Variants in MID1 observed in about 807,000 individuals in gnomAD.
MID1 encodes midline 1.
A neutral mutation model predicts 40.4 loss-of-function variants in MID1; 7 were observed. The observed-to-expected ratio is 0.17, with a 90% CI of 0.10 to 0.33. The LOEUF (loss-of-function observed/expected upper bound fraction) is 0.33, where lower values mean the gene tolerates loss of function less well. Ranked by LOEUF, MID1 falls within the 10% of genes least tolerant of loss-of-function variation. The pLI is 1.00. For missense variants in MID1, 367 were observed against 558.5 expected (o/e 0.66, Z 3.46); for synonymous variants, 229 against 221.2 (o/e 1.04, Z -0.31).
intron 1 of MID1, among the ~76,000 whole-genome samples, chrX:10,737,149 A>T (rs747557283): frequency 1.8e-5 from 2 of 112,372 alleles, no homozygotes; most frequent in Admixed American, 9.4e-5. Flanking sequence ...TTCTCAATCA[A>T]GAAGTTAGAA....
chrX:10,730,567 T>TTC (rs2043438701), intron 1 of MID1, among the ~76,000 whole-genome samples: 1 of 90,350 alleles, frequency 1.1e-5, no homozygotes, highest in Non-Finnish European at 2.1e-5. Flanking sequence ...GATACATCTT[T>TTC]TTTTTTTTTT....
intron 4 of MID1, among the ~76,000 whole-genome samples, chrX:10,492,013 G>A (rs1930978324): frequency 8.9e-6 from 1 of 111,827 alleles, no homozygotes; most frequent in Non-Finnish European, 1.9e-5. Context: ...CACTGCAGCT[G>A]AGTTTTCTTT....
In MID1 at chrX:10,791,719, T is replaced by C. The variant is rs1452330306; in HGVS notation, c.-187+41835A>G. Reference sequence around the variant, plus strand: ...CCAGAAATTTCTGAGTTTAGGAAGGTTTAAGTAATTTACCCACCATCAAGT... The same window carrying C: ...CCAGAAATTTCTGAGTTTAGGAAGGCTTAAGTAATTTACCCACCATCAAGT... On this transcript the variant is annotated intron_variant, in intron 1 of 10. Coordinates refer to the MID1 transcript ENST00000380785. 2.7e-5 allele frequency among the ~76,000 whole-genome samples: 3 copies of C among 110,750 alleles called. No individual in the cohort carries two copies. In the Admixed American group the frequency reaches 2.9e-4, roughly 11 times the overall value.
At chrX:10,502,961 C>G (rs906728911) in intron 3 of MID1, among the ~76,000 whole-genome samples, 1 of 111,860 alleles carries the variant, frequency 8.9e-6, no homozygotes, top group Admixed American at 9.5e-5. Flanking sequence ...CCATCTCACT[C>G]CAAAGGAAAA....
intron 2 of MID1, among the ~76,000 whole-genome samples, chrX:10,537,985 T>G (rs868594437): frequency 1.8e-5 from 2 of 109,874 alleles, no homozygotes; most frequent in African/African-American, 6.5e-5. Context: ...TTATTTATTT[T>G]TATTGAGACA....
intron 1 of MID1, among the ~76,000 whole-genome samples, chrX:10,616,172 C>CT (rs1173508610): frequency 8.9e-6 from 1 of 111,981 alleles, no homozygotes; most frequent in Non-Finnish European, 1.9e-5. Flanking sequence ...AGATCCTGGT[C>CT]TTTCAAAGTC....
intron 1 of MID1, among the ~76,000 whole-genome samples, chrX:10,666,192 G>A (rs2042949826): frequency 9.1e-6 from 1 of 110,124 alleles, no homozygotes; most frequent in South Asian, 3.8e-4. Flanking sequence ...AACAGGGAAA[G>A]CAGAGAGAAG....
intron 3 of MID1, among the ~76,000 whole-genome samples, chrX:10,509,364 T>TCCC (rs1931999450): frequency 8.9e-6 from 1 of 111,920 alleles, no homozygotes; most frequent in Non-Finnish European, 1.9e-5. Flanking sequence ...TTATTATTTA[T>TCCC]AAGTGTTTTC....
At chrX:10,527,404 T>C (rs1316000610) in intron 2 of MID1, among the ~76,000 whole-genome samples, 1 of 111,800 alleles carries the variant, frequency 8.9e-6, no homozygotes, top group Non-Finnish European at 1.9e-5. Flanking sequence ...TAATGATAAA[T>C]CTACCTATCT....
In MID1 at chrX:10,469,784, T is replaced by C. The variant is rs1423462435; in HGVS notation, c.1198A>G (p.Thr400Ala). ...TCATCATCGGAGGTCCAATGCACAG[T>C]GATGGTGTCATATGAAGCTGTGCAG... is the stretch of plus-strand genomic sequence containing the variant. ...ELCTASYDTI[T>A]VHWTSDDEFS... The change falls in exon 7 of 10, where the codon ACT (threonine) becomes GCT (alanine). Residue 400 changes from threonine (T) to alanine (A), a missense_variant. Physicochemically the swap from Thr to Ala is moderately conservative, Grantham distance 58. Transcript: ENST00000317552. 1 of 1,210,943 alleles carries C rather than the reference T, an allele frequency of 8.3e-7. No homozygotes were observed. Among genetic ancestry groups the C allele is most frequent in the East Asian group, 3.0e-5 (1 of 33,833 alleles).
intron 1 of MID1, among the ~76,000 whole-genome samples, chrX:10,683,713 G>C (rs1426718897): frequency 2.1e-4 from 21 of 101,778 alleles, no homozygotes; most frequent in African/African-American, 7.6e-4. Context: ...TGAAGACTAA[G>C]TTCCAGCCAT....
chrX:10,491,545 A>G (rs1317032377), intron 4 of MID1, among the ~76,000 whole-genome samples: 1 of 110,909 alleles, frequency 9.0e-6, no homozygotes, highest in Non-Finnish European at 1.9e-5. Flanking sequence ...TACCATGCCC[A>G]GCCTCTTTTT....
At chrX:10,560,612 CCATTCA>C (rs1934297201) in intron 2 of MID1, among the ~76,000 whole-genome samples, 1 of 110,581 alleles carries the variant, frequency 9.0e-6, no homozygotes, top group East Asian at 2.9e-4. Context: ...GAGTGAACTC[CCATTCA>C]CAATTGCTAC....
At chrX:10,668,158 T>C (rs779775629) in intron 1 of MID1, among the ~76,000 whole-genome samples, 106 of 111,878 alleles carry the variant, frequency 9.5e-4, no homozygotes, top group African/African-American at 3.3e-3. Flanking sequence ...AAACAGAGTT[T>C]TGGTAGAGCT....
At chrX:10,717,011 ACCAGGCCTGC>A (rs1381470044) in intron 1 of MID1, among the ~76,000 whole-genome samples, 4 of 111,604 alleles carry the variant, frequency 3.6e-5, no homozygotes, top group Non-Finnish European at 7.5e-5. Context: ...TTTTGTCACC[ACCAGGCCTGC>A]CCTAAAAGAG....
chrX:10,679,739 T>C (rs1424965075), intron 1 of MID1, among the ~76,000 whole-genome samples: 2 of 112,123 alleles, frequency 1.8e-5, no homozygotes, highest in Non-Finnish European at 3.8e-5. Flanking sequence ...CCGTGGTTTC[T>C]ACTTTAAAAG....
rs1298902914 is a variant in MID1 at position 10,681,255 on chromosome X, G to A, written c.-186-60836C>T. Among the ~76,000 whole-genome samples the A allele has an allele frequency of 2.7e-5, 3 of 111,034 alleles. No individual in the cohort carries two copies. The East Asian group carries it at 8.4e-4, about 31-fold the overall frequency. On this transcript the variant is annotated intron_variant, in intron 1 of 10. Coordinates refer to the MID1 transcript ENST00000380785. ...ATCGCTAGTCCTTTTATCTACTGCT[G>A]CATAACAAACCACCTGGACACTTAG...
chrX:10,672,232 A>C (rs1351487463), intron 1 of MID1, among the ~76,000 whole-genome samples: 1 of 111,179 alleles, frequency 9.0e-6, no homozygotes, highest in Non-Finnish European at 1.9e-5. Context: ...CTCAAAAAAA[A>C]AAAAAATTGA....
chrX:10,727,974 A>G (rs1376501344), intron 1 of MID1, among the ~76,000 whole-genome samples: 1 of 112,113 alleles, frequency 8.9e-6, no homozygotes, highest in Non-Finnish European at 1.9e-5. Flanking sequence ...ACTTGTTCAA[A>G]CTTGAATTCC....
Sources: gnomAD v4.1 joint callset for allele counts (sites outside exome capture counted in the v4.1 genomes callset) on GRCh38, gnomAD v4.1.1 for gene constraint, MANE v1.5 for transcripts, NCBI Gene and HGNC (gene_info 2026-07-23, HGNC 2026-07-21) for gene names.